The following MYOF variants were observed in gnomAD, a reference collection of about 807,000 sequenced individuals.
MYOF encodes the protein fer-1-like 3, myoferlin.
A neutral mutation model predicts 284.2 loss-of-function variants in MYOF; 244 were observed. That is an observed-to-expected ratio of 0.86 (90% confidence interval 0.77 to 0.95). MYOF has a LOEUF of 0.95. Ranked by LOEUF, MYOF falls within the 40% of genes least tolerant of loss-of-function variation. The pLI is 0.00. For synonymous variants in MYOF, 904 were observed against 919.7 expected, an observed-to-expected ratio of 0.98 and a Z score of 0.31; for missense variants, 2,496 against 2,560.6, an observed-to-expected ratio of 0.97 and a Z score of 0.54.
rs548996193 is a variant in MYOF at position 93,332,299 on chromosome 10, T to C, written c.4811+922A>G. Among the ~76,000 whole-genome samples the C allele has an allele frequency of 3.3e-5, 5 of 151,772 alleles. No individual in the cohort carries two copies. In the South Asian group the frequency reaches 1.0e-3, roughly 32 times the overall value. The stretch of plus-strand genomic sequence containing the variant: ...GTGCAATGGCGCGATCTCAGCTCAC[T>C]GCAACCTCCACCTCCCAGGTTCAAG... On this transcript the variant is annotated intron_variant, in intron 43 of 53. Transcript: ENST00000359263.
Position 93,325,850 on chromosome 10 carries a change from G to T in MYOF, c.5247C>A (p.Ser1749Arg). The T allele has an allele frequency of 1.2e-6, 2 of 1,614,042 alleles. No homozygotes were observed. The highest frequency in any genetic ancestry group is 8.5e-7 in the Non-Finnish European group (1 of 1,179,998). Residue 1749 changes from serine (S) to arginine (R), a missense_variant, in exon 46 of 54, where the codon AGC (serine) becomes AGA (arginine). Around this residue, in one of 3 missense-constraint regions of MYOF, gnomAD observed 2,436 missense variants for 2,480.7 expected, o/e 0.98. Transcript: ENST00000359263. ...PEHVETRTLHSTFQPNISQGK... is the reference protein window; with the variant it reads ...PEHVETRTLHRTFQPNISQGK... ...CCTGGGAAATGTTGGGCTGGAAGGT[G>T]CTGTGCAAAGTCCTTGTTTCCACGT...
Position 93,347,725 on chromosome 10 carries a change from T to C in MYOF, c.4141A>G (p.Arg1381Gly). ...PPLVIKVIDH[R>G]QFGRKPVVGQ... Reference sequence around the variant, plus strand: ...ACGACAGGCTTCCGCCCAAACTGCCTGTGGTCGATGACCTTGATCACCAGT... The same window carrying C: ...ACGACAGGCTTCCGCCCAAACTGCCCGTGGTCGATGACCTTGATCACCAGT... Residue 1381 changes from arginine (R) to glycine (G), a missense_variant, in exon 37 of 54, where the codon AGG becomes GGG. By Grantham distance (125) the Arg-to-Gly change is moderately radical. Transcript: ENST00000359263. 6.2e-7 allele frequency: 1 copy of C among 1,614,158 alleles called. No homozygotes were observed. Among genetic ancestry groups the C allele is most frequent in the Non-Finnish European group, 8.5e-7 (1 of 1,180,022 alleles).
chr10:93,392,982 A>G, intron 16 of MYOF, 27 bp from the exon 17 acceptor site: 1 of 1,576,876 alleles, frequency 6.3e-7, no homozygotes. Context: ...TGACTGGTTA[A>G]ACAAGAAGAA....
intron 5 of MYOF, among the ~76,000 whole-genome samples, chr10:93,420,763 A>G (rs1196690159): frequency 6.6e-6 from 1 of 152,214 alleles, no homozygotes; most frequent in Non-Finnish European, 1.5e-5. Flanking sequence ...TTTCCGTGTC[A>G]TGTATCTCTG....
chr10:93,397,981 C>A (rs1847104212), intron 13 of MYOF, among the ~76,000 whole-genome samples: 1 of 152,170 alleles, frequency 6.6e-6, no homozygotes, highest in Non-Finnish European at 1.5e-5. Flanking sequence ...CCCCAGGACA[C>A]CTGCGGTTGT....
intron 38 of MYOF, among the ~76,000 whole-genome samples, chr10:93,342,981 G>C (rs908409099): frequency 3.9e-5 from 6 of 152,186 alleles, no homozygotes; most frequent in African/African-American, 7.2e-5. Flanking sequence ...CTGCTGCACA[G>C]TGCTGGCTGT....
intron 3 of MYOF, among the ~76,000 whole-genome samples, chr10:93,434,279 C>T (rs1040827534): frequency 9.2e-5 from 14 of 151,718 alleles, no homozygotes; most frequent in African/African-American, 3.4e-4. Flanking sequence ...ACAAATACAA[C>T]AAATTAGCCA....
intron 5 of MYOF, among the ~76,000 whole-genome samples, chr10:93,416,877 C>T (rs1055667115): frequency 1.3e-5 from 2 of 152,108 alleles, no homozygotes; most frequent in East Asian, 1.9e-4. Context: ...GGATTATAGG[C>T]GTGAGCCACT....
intron 1 of MYOF, among the ~76,000 whole-genome samples, chr10:93,458,475 C>G (rs1192795638): frequency 2.0e-5 from 3 of 152,160 alleles, no homozygotes; most frequent in African/African-American, 7.2e-5. Flanking sequence ...GTGGCTGACA[C>G]CTGTAATCCC....
chr10:93,439,383 GTGCC>G (rs10609992), intron 3 of MYOF, among the ~76,000 whole-genome samples: 2,027 of 152,244 alleles, frequency 0.013, 41 homozygotes, highest in African/African-American at 0.046. Flanking sequence ...GACCAATTCT[GTGCC>G]TGCCTGCCTG....
chr10:93,363,932 A>C, intron 27 of MYOF, 29 bp downstream of exon 27: 8 of 1,601,640 alleles, frequency 5.0e-6, no homozygotes, highest in Non-Finnish European at 6.8e-6. Flanking sequence ...GTGACAGGTG[A>C]GAGTTTCTCT....
chr10:93,404,723 G>T (rs2134102131), intron 7 of MYOF, among the ~76,000 whole-genome samples: 1 of 151,700 alleles, frequency 6.6e-6, no homozygotes, highest in South Asian at 2.1e-4. Flanking sequence ...GCTTAGAGCT[G>T]GCATGACCTG....
rs575066545 is a variant in MYOF, at chr10:93,388,416, G to A, written c.1582-503C>T. On this transcript the variant is annotated intron_variant, in intron 18 of 53. Coordinates refer to ENST00000359263, the MANE Select transcript of MYOF (RefSeq NM_013451.4). ...AAGATGTAGGAGGAAGAAGTTCTGG[G>A]TGCAGCTGAGCCTGAGGATGAAGAG... Among the ~76,000 whole-genome samples, 299 of 152,322 alleles carry A rather than the reference G, an allele frequency of 2.0e-3. 2 individuals are homozygous for A. The highest frequency in any genetic ancestry group is 0.017 in the Middle Eastern group (5 of 294).
intron 48 of MYOF, among the ~76,000 whole-genome samples, chr10:93,322,013 AAT>A (rs978951084): frequency 2.0e-5 from 3 of 152,274 alleles, no homozygotes; most frequent in South Asian, 2.1e-4. Flanking sequence ...AAAAAAAAAA[AAT>A]AATGCTTATG....
chr10:93,357,473 T>C (rs1844862066), intron 29 of MYOF, among the ~76,000 whole-genome samples: 2 of 152,178 alleles, frequency 1.3e-5, no homozygotes. Flanking sequence ...ACAGGGATCG[T>C]GTTAGGGGCT....
intron 11 of MYOF, among the ~76,000 whole-genome samples, chr10:93,401,792 C>CGTGTGTGTGTGTGTGT (rs57326000): frequency 3.2e-5 from 3 of 94,388 alleles, no homozygotes; most frequent in Admixed American, 2.6e-4. Context: ...AGAGCCTGTG[C>CGTGTGTGTGTGTGTGT]GTGTGTGTGT....
intron 1 of MYOF, among the ~76,000 whole-genome samples, chr10:93,461,222 A>G (rs35257929): frequency 0.06 from 9,123 of 152,300 alleles, 404 homozygotes; most frequent in African/African-American, 0.13. Flanking sequence ...AGCTCAGGCC[A>G]AGAGACCTCA....
chr10:93,416,945 G>A (rs749408564), intron 5 of MYOF, among the ~76,000 whole-genome samples: 3 of 152,144 alleles, frequency 2.0e-5, no homozygotes, highest in Non-Finnish European at 4.4e-5. Context: ...AGCTGGAAGA[G>A]ACCCTACATA....
At chr10:93,330,131 C>T (rs1843235316) in intron 43 of MYOF, among the ~76,000 whole-genome samples, 2 of 152,188 alleles carry the variant, frequency 1.3e-5, no homozygotes, top group Non-Finnish European at 2.9e-5. Context: ...CTTCTCTGTG[C>T]TAAGTTTTCT....
Sources: gnomAD v4.1 joint callset for allele counts (sites outside exome capture counted in the v4.1 genomes callset) on GRCh38, gnomAD v4.1.1 for gene constraint, gnomAD v4.1.1 regional missense constraint, MANE v1.5 for transcripts, NCBI Gene and HGNC (gene_info 2026-07-23, HGNC 2026-07-21) for gene names.